TENT4B: variants seen among roughly 807,000 people sequenced by gnomAD.
The protein encoded by TENT4B is terminal nucleotidyltransferase 4B.
In TENT4B, 10 loss-of-function variants were observed where a neutral mutation model predicts 75.0. The ratio of observed to expected loss-of-function variants is 0.13; its 90% CI spans 0.08 to 0.23. The LOEUF is 0.23. Among genes scored for constraint, TENT4B ranks in the 10% least tolerant of loss-of-function variants. The pLI is 1.00. For missense variants in TENT4B, 579 were observed against 893.8 expected (o/e 0.65, Z 4.49); for synonymous variants, 350 against 357.7 (o/e 0.98, Z 0.24).
chr16:50,235,080 A>G lies in TENT4B; in HGVS notation c.*5752A>G. ...GATACAAGTGATTTAAGAAATCTCA[A>G]CATTTCCTGAGGCCGTATCACTGGG... On this transcript the variant is annotated 3_prime_UTR_variant, in exon 12 of 12. Transcript: ENST00000561678. 1.0e-6 allele frequency: 1 copy of G among 976,918 alleles called. No homozygotes were observed. The highest frequency in any genetic ancestry group is 1.2e-6 in the Non-Finnish European group (1 of 821,818). 60.5% of individuals were successfully genotyped at this position (976,918 alleles called of 1,614,324 possible).
intron 1 of TENT4B, among the ~76,000 whole-genome samples, chr16:50,159,280 T>C (rs2037960410): frequency 6.6e-6 from 1 of 150,710 alleles, no homozygotes; most frequent in Non-Finnish European, 1.5e-5. Context: ...GTTTCACTTG[T>C]GTTGCCCAGG....
Position 50,230,554 on chromosome 16 carries a change from C to T in TENT4B, c.*1226C>T. On this transcript the variant is annotated 3_prime_UTR_variant, in exon 12 of 12. Coordinates refer to ENST00000561678, the MANE Select transcript of TENT4B (RefSeq NM_001365324.3). ...ATGCTTTTGGTATTGTTGATCTTTACAAATTAAATGGTCTTTGATAATGGA... is the reference window on the plus strand; with the variant it reads ...ATGCTTTTGGTATTGTTGATCTTTATAAATTAAATGGTCTTTGATAATGGA... The T allele has an allele frequency of 1.0e-6, 1 of 976,738 alleles. No homozygotes were observed. The highest frequency in any genetic ancestry group is 1.2e-6 in the Non-Finnish European group (1 of 821,738). The allele number at this position is 976,738 out of a possible 1,614,324, so 60.5% of individuals were successfully genotyped here. A position where few individuals can be genotyped will look rare whatever the true frequency, so the allele number is the denominator to read the frequency against.
chr16:50,200,288 C>T (rs1186908623), intron 1 of TENT4B, among the ~76,000 whole-genome samples: 1 of 151,504 alleles, frequency 6.6e-6, no homozygotes, highest in African/African-American at 2.4e-5. Flanking sequence ...ATCACTTGAG[C>T]CCAGGAGCTG....
At position 50,229,951 on chromosome 16, in the gene TENT4B, A is replaced by G; in HGVS notation, c.*623A>G. On this transcript the variant is annotated 3_prime_UTR_variant, in exon 12 of 12. Coordinates refer to ENST00000561678, the MANE Select transcript of TENT4B (RefSeq NM_001365324.3). ...TTTCTCAGGATTAGTTTGAAAAATA[A>G]TCTAAATTGTCATCTTAACATCCAT... is the stretch of plus-strand genomic sequence containing the variant. 4 of 944,426 alleles carry G rather than the reference A, an allele frequency of 4.2e-6. No individual in the cohort carries two copies. Among genetic ancestry groups the G allele is most frequent in the Non-Finnish European group, 5.0e-6 (4 of 792,334 alleles). 58.5% of individuals were successfully genotyped at this position (944,426 alleles called of 1,614,324 possible). A position where few individuals can be genotyped will look rare whatever the true frequency, so the allele number is the denominator to read the frequency against.
chr16:50,210,625 C>G (rs974518991), intron 1 of TENT4B, among the ~76,000 whole-genome samples: 10 of 152,336 alleles, frequency 6.6e-5, no homozygotes, highest in South Asian at 6.2e-4. Flanking sequence ...TGAAGTCAGT[C>G]TCTTTTGGTC....
intron 1 of TENT4B, among the ~76,000 whole-genome samples, chr16:50,188,666 C>T (rs774064311): frequency 4.6e-5 from 7 of 152,138 alleles, no homozygotes; most frequent in Non-Finnish European, 7.3e-5. Flanking sequence ...TATTCCCTAT[C>T]CTGCTTGTAC....
intron 4 of TENT4B, among the ~76,000 whole-genome samples, chr16:50,216,755 A>C (rs1475348587): frequency 6.6e-6 from 1 of 152,090 alleles, no homozygotes; most frequent in Non-Finnish European, 1.5e-5. Flanking sequence ...CCTGGACTCA[A>C]GTGATCCTCC....
chr16:50,203,190 T>A (rs1418046457), intron 1 of TENT4B, among the ~76,000 whole-genome samples: 1 of 152,208 alleles, frequency 6.6e-6, no homozygotes, highest in African/African-American at 2.4e-5. Flanking sequence ...GGGCTCTTCT[T>A]TTTCCTTTTA....
At chr16:50,159,556 TAC>T (rs1297964662) in intron 1 of TENT4B, among the ~76,000 whole-genome samples, 1 of 152,170 alleles carries the variant, frequency 6.6e-6, no homozygotes, top group Non-Finnish European at 1.5e-5. Flanking sequence ...TGCTTATTTC[TAC>T]ACAGTGTTAC....
At chr16:50,167,016 T>C (rs2038114028) in intron 1 of TENT4B, among the ~76,000 whole-genome samples, 1 of 152,128 alleles carries the variant, frequency 6.6e-6, no homozygotes, top group African/African-American at 2.4e-5. Flanking sequence ...TTTGCCCTCC[T>C]GGGCTCAAAC....
chr16:50,189,657 C>T (rs1243291234), intron 1 of TENT4B, among the ~76,000 whole-genome samples: 1 of 150,512 alleles, frequency 6.6e-6, no homozygotes, highest in Non-Finnish European at 1.5e-5. Flanking sequence ...GAAGTAGTGC[C>T]CTAATGCAAT....
In TENT4B at chr16:50,154,098, C is replaced by T. The variant is rs557543400; in HGVS notation, c.477C>T (p.Asn159=). 52 of 1,528,728 alleles carry T rather than the reference C, an allele frequency of 3.4e-5. No homozygotes were observed. The African/African-American group carries it at 5.2e-4, about 15-fold the overall frequency. 94.7% of individuals were successfully genotyped at this position (1,528,728 alleles called of 1,614,324 possible). A position where few individuals can be genotyped will look rare whatever the true frequency, so the allele number is the denominator to read the frequency against. Residue 159 remains asparagine (N), a synonymous_variant, in exon 1 of 12, where the codon AAC becomes AAT. Transcript: ENST00000561678. ...CCGATTCGGCCTCGGGCAGCAGCAA[C>T]AAGAGGAAGCGCGACAACAAGGCCA... ...DPADSASGSS[N]KRKRDNKAST... is the part of the protein sequence containing the mutation.
At chr16:50,225,435 A>G in intron 10 of TENT4B, 150 bp downstream of exon 10, 2 of 868,366 alleles carry the variant, frequency 2.3e-6, no homozygotes, top group Non-Finnish European at 3.3e-6. Flanking sequence ...TTTTCTCAAC[A>G]TTTTGTTATG....
At chr16:50,215,616 A>C (rs2031512147) in intron 3 of TENT4B, among the ~76,000 whole-genome samples, 1 of 152,176 alleles carries the variant, frequency 6.6e-6, no homozygotes, top group Non-Finnish European at 1.5e-5. Flanking sequence ...ATCCTTTCAG[A>C]GATATCTGTG....
In TENT4B at chr16:50,231,635, T is replaced by C; in HGVS notation, c.*2307T>C. 1 of 985,812 alleles carries C rather than the reference T, an allele frequency of 1.0e-6. No individual in the cohort carries two copies. Among genetic ancestry groups the C allele is most frequent in the African/African-American group, 1.7e-5 (1 of 57,338 alleles). 61.1% of individuals were successfully genotyped at this position (985,812 alleles called of 1,614,324 possible). On this transcript the variant is annotated 3_prime_UTR_variant, in exon 12 of 12. Coordinates refer to ENST00000561678, the MANE Select transcript of TENT4B (RefSeq NM_001365324.3). ...TTTCGTAAATTTATTGGGAAAATAG[T>C]TTTTCCTGTACTGCTGAAGTTTCTT...
At position 50,233,624 on chromosome 16, in the gene TENT4B, T is replaced by C; in HGVS notation, c.*4296T>C. ...CTATTTGATACCTAGAATTAAATAT[T>C]TGAGGACAGTTTTTAGTTAATAAAC... On this transcript the variant is annotated 3_prime_UTR_variant, in exon 12 of 12. Coordinates refer to ENST00000561678, the MANE Select transcript of TENT4B (RefSeq NM_001365324.3). The C allele has an allele frequency of 9.1e-6, 9 of 983,902 alleles. No individual in the cohort carries two copies. Among genetic ancestry groups the C allele is most frequent in the Non-Finnish European group, 9.7e-6 (8 of 828,492 alleles). 60.9% of individuals were successfully genotyped at this position (983,902 alleles called of 1,614,324 possible).
chr16:50,171,919 A>T (rs1044726726), intron 1 of TENT4B, among the ~76,000 whole-genome samples: 10 of 151,910 alleles, frequency 6.6e-5, no homozygotes, highest in African/African-American at 2.2e-4. Flanking sequence ...GAGCTAACGC[A>T]GCAGAGGTTG....
chr16:50,161,875 CAT>C (rs916986349), intron 1 of TENT4B, among the ~76,000 whole-genome samples: 6 of 152,038 alleles, frequency 3.9e-5, no homozygotes, highest in East Asian at 1.9e-4. Flanking sequence ...GCAATTTTAT[CAT>C]GTGTAGATCT....
rs1293462250 is a variant in TENT4B, at chr16:50,158,082, T to TATGA, written c.638+3838_638+3841dup. ...GCCTGGCCTTATTTATTTATTTAAT[T>TATGA]ATGAATGAATGAATGAATTAATGAG... On this transcript the variant is annotated intron_variant, in intron 1 of 11. Transcript: ENST00000561678. Among the ~76,000 whole-genome samples the TATGA allele has an allele frequency of 2.7e-5, 4 of 148,430 alleles. No individual in the cohort carries two copies. In the East Asian group the frequency reaches 8.1e-4, roughly 30 times the overall value.
Sources: gnomAD v4.1 joint callset for allele counts (sites outside exome capture counted in the v4.1 genomes callset) on GRCh38, gnomAD v4.1.1 for gene constraint, MANE v1.5 for transcripts, NCBI Gene and HGNC (gene_info 2026-07-23, HGNC 2026-07-21) for gene names.